Variants in PANK1 observed in about 807,000 individuals in gnomAD.
The protein encoded by PANK1 is pantothenate kinase 1.
Under a neutral mutation model 40.1 loss-of-function variants are expected in PANK1, and 18 were observed. The observed-to-expected ratio is 0.45, with a 90% confidence interval of 0.31 to 0.67. The LOEUF (loss-of-function observed/expected upper bound fraction) is 0.67, where lower values mean the gene tolerates loss of function less well. PANK1 is among the 30% of genes least tolerant of loss of function. The pLI is 0.06. For synonymous variants in PANK1, 242 were observed against 237.7 expected, an observed-to-expected ratio of 1.02 and a Z score of -0.17; for missense variants, 457 against 599.6, an observed-to-expected ratio of 0.76 and a Z score of 2.48.
intron 1 of PANK1, among the ~76,000 whole-genome samples, chr10:89,639,421 C>T (rs892267441): frequency 6.6e-6 from 1 of 152,132 alleles, no homozygotes; most frequent in African/African-American, 2.4e-5. Context: ...ACATTCAAAC[C>T]GTGGTAAATA....
intron 1 of PANK1, among the ~76,000 whole-genome samples, chr10:89,614,509 A>T (rs1311127297): frequency 2.0e-5 from 3 of 152,214 alleles, no homozygotes; most frequent in Non-Finnish European, 4.4e-5. Flanking sequence ...TATTAAAAAG[A>T]GAGTGAGGCC....
chr10:89,610,014 T>A (rs893612743), intron 2 of PANK1, among the ~76,000 whole-genome samples: 1 of 152,138 alleles, frequency 6.6e-6, no homozygotes, highest in African/African-American at 2.4e-5. Flanking sequence ...CTCAGAGCAA[T>A]GAGAGTGGAT....
intron 5 of PANK1, among the ~76,000 whole-genome samples, chr10:89,589,458 T>C (rs895704706): frequency 1.3e-5 from 2 of 152,148 alleles, no homozygotes; most frequent in Non-Finnish European, 2.9e-5. Context: ...CTAGCTCCAG[T>C]GCACTCGTTA....
intron 2 of PANK1, among the ~76,000 whole-genome samples, chr10:89,602,438 C>G (rs1219335901): frequency 1.3e-5 from 2 of 152,152 alleles, no homozygotes; most frequent in Non-Finnish European, 2.9e-5. Flanking sequence ...CAGAGACCTC[C>G]CTCAAAAGTC....
chr10:89,586,114 G>C (rs1404032075), intron 6 of PANK1, among the ~76,000 whole-genome samples: 1 of 152,158 alleles, frequency 6.6e-6, no homozygotes, highest in Non-Finnish European at 1.5e-5. Flanking sequence ...CTTCCCACCT[G>C]ATGTTATAGA....
chr10:89,596,480 A>G (rs1002443446), intron 3 of PANK1, among the ~76,000 whole-genome samples: 3 of 152,234 alleles, frequency 2.0e-5, no homozygotes, highest in Non-Finnish European at 4.4e-5. Context: ...AGGTAAAGCG[A>G]GCATGCATTT....
At chr10:89,616,317 T>C (rs1226548277) in intron 1 of PANK1, among the ~76,000 whole-genome samples, 3 of 152,166 alleles carry the variant, frequency 2.0e-5, no homozygotes, top group Non-Finnish European at 4.4e-5. Context: ...ATACATTGCA[T>C]GAGGAGACAT....
In PANK1 at chr10:89,602,108, G is replaced by T. The variant is rs189107211; in HGVS notation, c.646-2603C>A. On this transcript the variant is annotated intron_variant, in intron 2 of 6. Coordinates refer to ENST00000307534, the MANE Select transcript of PANK1 (RefSeq NM_148977.3). ...CCAGTCTTGGAAGTATAGGTTAACT[G>T]CTTAAAAATTAATCAGAGGTTCATC... Among the ~76,000 whole-genome samples, 6 of 152,306 alleles carry T rather than the reference G, an allele frequency of 3.9e-5. No individual in the cohort carries two copies. In the East Asian group the frequency reaches 5.8e-4, roughly 15 times the overall value.
intron 1 of PANK1, among the ~76,000 whole-genome samples, chr10:89,635,569 C>T (rs1324430373): frequency 1.3e-5 from 2 of 152,164 alleles, no homozygotes; most frequent in African/African-American, 4.8e-5. Flanking sequence ...CAGCATTCCA[C>T]CCTGGCTCCC....
At position 89,584,342 on chromosome 10, in the gene PANK1, T is replaced by C; in HGVS notation, c.*64A>G. ...CTTCCGTCCCAAAGCGACTTTCACC[T>C]TCTCCAGCAGCAATTTTTTAGTTCT... On this transcript the variant is annotated 3_prime_UTR_variant, in exon 7 of 7. Transcript: ENST00000307534. The C allele has an allele frequency of 9.3e-7, 1 of 1,078,726 alleles. No individual in the cohort carries two copies. The highest frequency in any genetic ancestry group is 1.4e-6 in the Non-Finnish European group (1 of 696,366). The allele number at this position is 1,078,726 out of a possible 1,614,324, so 66.8% of individuals were successfully genotyped here.
At chr10:89,609,798 T>C (rs1389056896) in intron 2 of PANK1, among the ~76,000 whole-genome samples, 2 of 152,246 alleles carry the variant, frequency 1.3e-5, no homozygotes, top group Non-Finnish European at 2.9e-5. Flanking sequence ...TGTAATGAGA[T>C]GTGACTTTTC....
At chr10:89,629,475 T>C (rs771240114) in intron 1 of PANK1, among the ~76,000 whole-genome samples, 2 of 152,218 alleles carry the variant, frequency 1.3e-5, no homozygotes, top group African/African-American at 4.8e-5. Flanking sequence ...TTTTGGGGCA[T>C]AGTGTTCTTC....
chr10:89,585,078 TA>T (rs940805052), intron 6 of PANK1, among the ~76,000 whole-genome samples: 4 of 152,206 alleles, frequency 2.6e-5, no homozygotes, highest in African/African-American at 9.6e-5. Flanking sequence ...GGGTGGCTTA[TA>T]AACAATAGAA....
At chr10:89,642,017 C>A (rs745794577) in intron 1 of PANK1, among the ~76,000 whole-genome samples, 2 of 152,094 alleles carry the variant, frequency 1.3e-5, no homozygotes, top group South Asian at 2.1e-4. Context: ...GGTAAAGTAC[C>A]TAAGGAAACC....
At chr10:89,640,392 T>C (rs958514508) in intron 1 of PANK1, among the ~76,000 whole-genome samples, 2 of 149,954 alleles carry the variant, frequency 1.3e-5, no homozygotes, top group African/African-American at 4.9e-5. Flanking sequence ...AAGGAGAGAA[T>C]ACACACACAC....
intron 1 of PANK1, among the ~76,000 whole-genome samples, chr10:89,617,958 T>C (rs531476405): frequency 6.6e-6 from 1 of 152,322 alleles, no homozygotes; most frequent in South Asian, 2.1e-4. Flanking sequence ...CTCAACTCTC[T>C]AAAGTCAGGA....
At chr10:89,585,666 T>C (rs752345509) in intron 6 of PANK1, among the ~76,000 whole-genome samples, 22 of 152,216 alleles carry the variant, frequency 1.4e-4, no homozygotes, top group Non-Finnish European at 2.2e-4. Flanking sequence ...ACAGAGTCAT[T>C]GTCTAAGATC....
intron 1 of PANK1, chr10:89,626,719 T>C (rs936819518): frequency 1.3e-5 from 2 of 152,222 alleles, no homozygotes; most frequent in African/African-American, 4.8e-5. Context: ...CTGTCTCCAA[T>C]GTGATCATTT....
intron 5 of PANK1, among the ~76,000 whole-genome samples, chr10:89,591,073 T>C (rs1434553765): frequency 1.3e-5 from 2 of 151,224 alleles, no homozygotes; most frequent in East Asian, 3.9e-4. Context: ...TAAAGCAAGA[T>C]ATAGAATAGT....
Sources: gnomAD v4.1 joint callset for allele counts (sites outside exome capture counted in the v4.1 genomes callset) on GRCh38, gnomAD v4.1.1 for gene constraint, MANE v1.5 for transcripts, NCBI Gene and HGNC (gene_info 2026-07-23, HGNC 2026-07-21) for gene names.